NRG3: variants seen among roughly 807,000 people sequenced by gnomAD.
The protein encoded by NRG3 is neuregulin 3.
In NRG3, 31 loss-of-function variants were observed where a neutral mutation model predicts 66.9. That is an observed-to-expected ratio of 0.46 (90% CI 0.35 to 0.63). The LOEUF is 0.63. Among genes scored for constraint, NRG3 ranks in the 20% least tolerant of loss-of-function variants. The pLI is 0.00. For missense variants in NRG3, 910 were observed against 878.9 expected (o/e 1.04, Z -0.45); for synonymous variants, 393 against 359.4 (o/e 1.09, Z -1.06).
intron 1 of NRG3, among the ~76,000 whole-genome samples, chr10:82,342,470 G>T (rs1399979523): frequency 6.6e-6 from 1 of 152,066 alleles, no homozygotes; most frequent in Non-Finnish European, 1.5e-5. Flanking sequence ...TCTGGCTGGT[G>T]TAAGATGGTA....
intron 2 of NRG3, among the ~76,000 whole-genome samples, chr10:82,446,964 C>G (rs1346277720): frequency 6.6e-6 from 1 of 152,064 alleles, no homozygotes; most frequent in African/African-American, 2.4e-5. Flanking sequence ...GATGGTATGT[C>G]ATTAGACAGA....
intron 1 of NRG3, among the ~76,000 whole-genome samples, chr10:82,078,639 A>G (rs1285274341): frequency 6.6e-6 from 1 of 152,134 alleles, no homozygotes; most frequent in Non-Finnish European, 1.5e-5. Flanking sequence ...TATACACCTT[A>G]TTTAAAGCCA....
intron 1 of NRG3, among the ~76,000 whole-genome samples, chr10:82,085,521 C>A (rs1189578883): frequency 1.3e-5 from 2 of 152,020 alleles, no homozygotes; most frequent in Non-Finnish European, 2.9e-5. Flanking sequence ...GGACAGAGGG[C>A]AAGCAACCAT....
chr10:82,738,695 C>T (rs778848576), intron 3 of NRG3, 45 bp downstream of exon 3: 23 of 1,490,962 alleles, frequency 1.5e-5, no homozygotes, highest in Admixed American at 3.3e-5. Flanking sequence ...ATATAGGCAG[C>T]GTTTATTCTG....
intron 2 of NRG3, among the ~76,000 whole-genome samples, chr10:82,611,747 A>G (rs2048330455): frequency 6.6e-6 from 1 of 152,138 alleles, no homozygotes; most frequent in African/African-American, 2.4e-5. Context: ...ATGTGTCTTT[A>G]TAGTAGCATG....
chr10:82,574,237 C>T (rs1326453443), intron 2 of NRG3, among the ~76,000 whole-genome samples: 2 of 151,716 alleles, frequency 1.3e-5, no homozygotes, highest in South Asian at 4.1e-4. Context: ...TTTGCAGCAA[C>T]GTGGGTGAAA....
intron 1 of NRG3, among the ~76,000 whole-genome samples, chr10:81,928,788 A>G (rs1391645831): frequency 6.6e-6 from 1 of 152,208 alleles, no homozygotes; most frequent in Non-Finnish European, 1.5e-5. Flanking sequence ...ACTGAAATGA[A>G]TTATAAACAT....
intron 1 of NRG3, among the ~76,000 whole-genome samples, chr10:81,948,276 A>T (rs773227264): frequency 1.3e-5 from 2 of 152,190 alleles, no homozygotes; most frequent in Non-Finnish European, 2.9e-5. Flanking sequence ...TCCCCTACTC[A>T]GGCATAGCCT....
At chr10:82,408,060 A>AGC (rs1554911058) in intron 2 of NRG3, among the ~76,000 whole-genome samples, 3 of 127,554 alleles carry the variant, frequency 2.4e-5, no homozygotes, top group Admixed American at 8.3e-5. Flanking sequence ...AGAGAGAGAG[A>AGC]GAGAGAGAGA....
At chr10:82,622,952 C>G (rs1221983619) in intron 2 of NRG3, among the ~76,000 whole-genome samples, 1 of 151,416 alleles carries the variant, frequency 6.6e-6, no homozygotes, top group Non-Finnish European at 1.5e-5. Flanking sequence ...TCAGTGTGTG[C>G]TATTTTCAAT....
chr10:81,971,383 G>C (rs547494406), intron 1 of NRG3, among the ~76,000 whole-genome samples: 28 of 152,154 alleles, frequency 1.8e-4, no homozygotes, highest in Non-Finnish European at 3.8e-4. Flanking sequence ...GAGATGTAAA[G>C]TATTGTTTAC....
chr10:81,983,834 A>T (rs2060424597), intron 1 of NRG3, among the ~76,000 whole-genome samples: 1 of 152,200 alleles, frequency 6.6e-6, no homozygotes, highest in Non-Finnish European at 1.5e-5. Flanking sequence ...ATATGTCCAC[A>T]TCCTGATCCC....
chr10:81,924,995 T>C (rs950727945), intron 1 of NRG3, among the ~76,000 whole-genome samples: 1 of 152,184 alleles, frequency 6.6e-6, no homozygotes, highest in Admixed American at 6.5e-5. Context: ...TCAAGCTTCC[T>C]TTCAGTCCTA....
chr10:82,337,861 G>T (rs1432086000), intron 1 of NRG3, among the ~76,000 whole-genome samples: 1 of 152,060 alleles, frequency 6.6e-6, no homozygotes, highest in Admixed American at 6.6e-5. Context: ...ATGCATTGGG[G>T]TCTTTACTCA....
chr10:82,911,627 AT>A (rs1050935170), intron 4 of NRG3, among the ~76,000 whole-genome samples: 2 of 151,132 alleles, frequency 1.3e-5, no homozygotes, highest in East Asian at 3.9e-4. Context: ...GTCTTCTTTC[AT>A]TTTTTTCTTA....
chr10:81,980,756 G>T (rs1003514060), intron 1 of NRG3, among the ~76,000 whole-genome samples: 2 of 152,188 alleles, frequency 1.3e-5, no homozygotes, highest in African/African-American at 4.8e-5. Context: ...AGAAGTTCAA[G>T]AGCAAGTTGT....
At chr10:82,661,339 A>G (rs1055002562) in intron 2 of NRG3, among the ~76,000 whole-genome samples, 2 of 152,102 alleles carry the variant, frequency 1.3e-5, no homozygotes, top group African/African-American at 4.8e-5. Context: ...ATATTTTAAT[A>G]TAATGTACAC....
At chr10:82,517,925 G>C (rs1845845824) in intron 2 of NRG3, among the ~76,000 whole-genome samples, 1 of 152,186 alleles carries the variant, frequency 6.6e-6, no homozygotes, top group African/African-American at 2.4e-5. Context: ...ACATTAAACA[G>C]GGACTTACAT....
intron 1 of NRG3, among the ~76,000 whole-genome samples, chr10:82,078,392 C>T (rs2065208543): frequency 6.6e-6 from 1 of 152,136 alleles, no homozygotes; most frequent in Non-Finnish European, 1.5e-5. Context: ...GCTCTGTCAC[C>T]CAGGCTGGAG....
Sources: allele counts gnomAD v4.1 joint callset (sites outside exome capture counted in the v4.1 genomes callset), GRCh38; gene constraint gnomAD v4.1.1; transcripts MANE v1.5; gene names NCBI Gene and HGNC (gene_info 2026-07-23, HGNC 2026-07-21).